The following DPP10 variants were observed in gnomAD, a reference collection of about 807,000 sequenced individuals.
DPP10 encodes the protein inactive dipeptidyl peptidase 10.
A neutral mutation model predicts 120.9 loss-of-function variants in DPP10; 33 were observed. The ratio of observed to expected loss-of-function variants is 0.27; its 90% confidence interval spans 0.21 to 0.37. The LOEUF (loss-of-function observed/expected upper bound fraction) is 0.37, where lower values mean the gene tolerates loss of function less well. Among genes scored for constraint, DPP10 ranks in the 10% least tolerant of loss-of-function variants. DPP10 has a pLI of 1.00. For synonymous variants in DPP10, 337 were observed against 326.1 expected (o/e 1.03, Z -0.36); for missense variants, 816 against 942.8 (o/e 0.87, Z 1.76).
At chr2:115,648,636 A>G (rs963561621) in intron 5 of DPP10, among the ~76,000 whole-genome samples, 1 of 152,084 alleles carries the variant, frequency 6.6e-6, no homozygotes, top group African/African-American at 2.4e-5. Context: ...AGAAACATTA[A>G]AAAGTAGACA....
At chr2:115,572,358 T>A (rs1333218036) in intron 5 of DPP10, among the ~76,000 whole-genome samples, 1 of 152,178 alleles carries the variant, frequency 6.6e-6, no homozygotes, top group Admixed American at 6.5e-5. Context: ...TTTAGAATTG[T>A]CAGTGAAAAA....
At position 115,382,206 on chromosome 2, in the gene DPP10, C is replaced by T. The variant is rs879548701; in HGVS notation, c.271+38294C>T. ...CTCAGACTGCTGTGCTATCAATCAGCGAGACTCTGTGGGCATAGGACCCTC... is the reference window on the plus strand; with the variant it reads ...CTCAGACTGCTGTGCTATCAATCAGTGAGACTCTGTGGGCATAGGACCCTC... On this transcript the variant is annotated intron_variant, in intron 3 of 25. Transcript: ENST00000410059. 1.1e-4 allele frequency among the ~76,000 whole-genome samples: 17 copies of T among 152,058 alleles called. 1 individual carries two copies. The highest frequency in any genetic ancestry group is 3.3e-4 in the Admixed American group (5 of 15,272).
chr2:115,430,127 G>A (rs2070837470), intron 3 of DPP10, among the ~76,000 whole-genome samples: 1 of 152,160 alleles, frequency 6.6e-6, no homozygotes, highest in African/African-American at 2.4e-5. Context: ...GAAGTTAGAT[G>A]GAGTGGATTT....
intron 3 of DPP10, among the ~76,000 whole-genome samples, chr2:115,419,657 G>A (rs2069757634): frequency 6.6e-6 from 1 of 152,066 alleles, no homozygotes; most frequent in African/African-American, 2.4e-5. Flanking sequence ...TTAGCACAGT[G>A]CCCAATTTAT....
intron 5 of DPP10, among the ~76,000 whole-genome samples, chr2:115,538,272 G>C (rs1349741116): frequency 1.3e-5 from 2 of 151,928 alleles, no homozygotes. Flanking sequence ...GTGTAGTGAG[G>C]TTAGGTGGCT....
intron 3 of DPP10, among the ~76,000 whole-genome samples, chr2:115,409,567 T>A (rs947618559): frequency 1.3e-5 from 2 of 152,190 alleles, no homozygotes; most frequent in African/African-American, 2.4e-5. Context: ...CTAGTGGAAA[T>A]GTAAACTACT....
chr2:115,383,577 C>T (rs1296289687), intron 3 of DPP10, among the ~76,000 whole-genome samples: 1 of 152,200 alleles, frequency 6.6e-6, no homozygotes, highest in East Asian at 1.9e-4. Flanking sequence ...TCTGCCATTT[C>T]AGACTTTGCT....
At chr2:115,643,785 A>G (rs1035119595) in intron 5 of DPP10, among the ~76,000 whole-genome samples, 4 of 152,164 alleles carry the variant, frequency 2.6e-5, no homozygotes, top group Non-Finnish European at 5.9e-5. Context: ...GCAAAAACTC[A>G]TGAGTTTCTT....
chr2:115,399,612 T>A (rs2067919657), intron 3 of DPP10, among the ~76,000 whole-genome samples: 1 of 152,204 alleles, frequency 6.6e-6, no homozygotes. Flanking sequence ...TTTATGCGTT[T>A]CTTTATCTTC....
rs549771685 is a variant in DPP10, at chr2:115,073,133, T to A, written c.61-236106T>A. ...ATAGTAGGCATAATCTTCCTGATCTTCCTGATTTTGTCTTCCATGTTAAAG... is the reference window on the plus strand; with the variant it reads ...ATAGTAGGCATAATCTTCCTGATCTACCTGATTTTGTCTTCCATGTTAAAG... On this transcript the variant is annotated intron_variant, in intron 1 of 25. Coordinates refer to ENST00000410059, the MANE Select transcript of DPP10 (RefSeq NM_020868.6). Among the ~76,000 whole-genome samples the A allele has an allele frequency of 3.3e-5, 5 of 152,368 alleles. No individual in the cohort carries two copies. In the East Asian group the frequency reaches 9.6e-4, roughly 29 times the overall value.
rs994353521 is a variant in DPP10, at chr2:115,093,679, T to C, written c.61-215560T>C. ...TAGGTAAAAGACAAGGCTGAAACAA[T>C]GATTCTGACTCATAAGTGGTGGGCC... On this transcript the variant is annotated intron_variant, in intron 1 of 25. Transcript: ENST00000410059. Among the ~76,000 whole-genome samples the C allele has an allele frequency of 1.6e-4, 24 of 152,182 alleles. 1 individual carries two copies. Among genetic ancestry groups the C allele is most frequent in the African/African-American group, 5.8e-4 (24 of 41,562 alleles).
intron 10 of DPP10, among the ~76,000 whole-genome samples, chr2:115,747,331 A>G (rs1342471671): frequency 2.0e-5 from 3 of 152,220 alleles, no homozygotes; most frequent in Non-Finnish European, 4.4e-5. Flanking sequence ...ATAATGTAAT[A>G]CAGTTGACCA....
chr2:114,914,668 A>G (rs1694635361), intron 1 of DPP10, among the ~76,000 whole-genome samples: 1 of 152,218 alleles, frequency 6.6e-6, no homozygotes, highest in Admixed American at 6.5e-5. Context: ...CCAGCTAGCA[A>G]CAGAAAGACA....
intron 3 of DPP10, among the ~76,000 whole-genome samples, chr2:115,394,751 A>T (rs1010614264): frequency 6.6e-6 from 1 of 152,056 alleles, no homozygotes; most frequent in Non-Finnish European, 1.5e-5. Context: ...AGATTTTATT[A>T]CTCTACAGGT....
chr2:115,508,056 A>G (rs969288788), intron 4 of DPP10, among the ~76,000 whole-genome samples: 3 of 152,144 alleles, frequency 2.0e-5, no homozygotes, highest in Non-Finnish European at 2.9e-5. Flanking sequence ...TTTTGCCACA[A>G]TTTTTGACAA....
At chr2:115,580,496 TC>T in intron 5 of DPP10, among the ~76,000 whole-genome samples, 1 of 118,194 alleles carries the variant, frequency 8.5e-6, no homozygotes, top group Admixed American at 8.4e-5. Flanking sequence ...ATTATAATAA[TC>T]CTCTCTGTCT....
intron 3 of DPP10, among the ~76,000 whole-genome samples, chr2:115,471,423 G>A (rs1033959060): frequency 3.9e-5 from 6 of 152,012 alleles, no homozygotes; most frequent in Non-Finnish European, 5.9e-5. Context: ...CTAATTCCAC[G>A]AATTCCTTAG....
intron 3 of DPP10, among the ~76,000 whole-genome samples, chr2:115,386,695 T>C (rs1005676181): frequency 2.6e-5 from 4 of 152,068 alleles, no homozygotes; most frequent in African/African-American, 9.7e-5. Flanking sequence ...GGGGCGCTGT[T>C]ACACATCTGT....
intron 1 of DPP10, among the ~76,000 whole-genome samples, chr2:114,670,062 A>G (rs546854697): frequency 6.6e-6 from 1 of 152,166 alleles, no homozygotes; most frequent in South Asian, 2.1e-4. Context: ...ACACTTTTAC[A>G]CTGTTGGTGG....
Sources: allele counts gnomAD v4.1 joint callset (sites outside exome capture counted in the v4.1 genomes callset), GRCh38; gene constraint gnomAD v4.1.1; transcripts MANE v1.5; gene names NCBI Gene and HGNC (gene_info 2026-07-23, HGNC 2026-07-21).